The following ACVR2A variants were observed in gnomAD, a reference collection of about 807,000 sequenced individuals.
ACVR2A encodes the protein activin A receptor type 2A, also known as activin receptor type-2A.
Under a neutral mutation model 61.4 loss-of-function variants are expected in ACVR2A, and 7 were observed. The observed-to-expected ratio is 0.11, with a 90% CI of 0.06 to 0.21. The LOEUF is 0.21. Ranked by LOEUF, ACVR2A falls within the 10% of genes least tolerant of loss-of-function variation. The pLI is 1.00. For missense variants in ACVR2A, 322 were observed against 621.7 expected, an observed-to-expected ratio of 0.52 and a Z score of 5.13; for synonymous variants, 193 against 208.3, an observed-to-expected ratio of 0.93 and a Z score of 0.63.
In ACVR2A at chr2:147,929,364, TTTCTTTTTAAAAGTTAAACAAAAATAA is replaced by T. The variant is rs1687596640; in HGVS notation, c.*2091_*2117del. ...TTTCTACCTGTTGTGAACATTTAAC[TTTCTTTTTAAAAGTTAAACAAAAATAA>T]ACAAGGGATATTATGATGAATGTTT... is the stretch of plus-strand genomic sequence containing the variant. On this transcript the variant is annotated 3_prime_UTR_variant, in exon 11 of 11. Transcript: ENST00000241416. The T allele has an allele frequency of 7.2e-6, 1 of 138,006 alleles. No individual in the cohort carries two copies. Among genetic ancestry groups the T allele is most frequent in the East Asian group, 2.4e-4 (1 of 4,140 alleles). 8.5% of individuals were successfully genotyped at this position (138,006 alleles called of 1,614,324 possible).
chr2:147,865,437 G>A (rs960894590), intron 1 of ACVR2A, among the ~76,000 whole-genome samples: 7 of 151,988 alleles, frequency 4.6e-5, no homozygotes, highest in African/African-American at 1.7e-4. Context: ...TTTTCTATAA[G>A]TTTGACGCTA....
At chr2:147,853,293 G>A (rs748719739) in intron 1 of ACVR2A, among the ~76,000 whole-genome samples, 21 of 152,100 alleles carry the variant, frequency 1.4e-4, no homozygotes, top group Non-Finnish European at 2.8e-4. Flanking sequence ...TGATGGATAT[G>A]TCTTCATTGT....
At chr2:147,877,646 T>C (rs939237229) in intron 1 of ACVR2A, 1 of 152,172 alleles carries the variant, frequency 6.6e-6, no homozygotes, top group Admixed American at 6.5e-5. Flanking sequence ...TTTTACTCTT[T>C]GCTTAGTAAA....
At chr2:147,845,011 T>TTG (rs1685266148), upstream of ACVR2A, 12 of 189,640 alleles carry the variant, frequency 6.3e-5, no homozygotes, top group African/African-American at 2.6e-4. Context: ...TTTTTTTTTT[T>TTG]TTTTTTTTTT....
chr2:147,854,916 C>T (rs1454849451), intron 1 of ACVR2A, among the ~76,000 whole-genome samples: 1 of 151,962 alleles, frequency 6.6e-6, no homozygotes, highest in African/African-American at 2.4e-5. Context: ...GAGTCTCGCT[C>T]TGTTGGCCAG....
chr2:147,877,350 G>A (rs1686185237), intron 1 of ACVR2A: 2 of 152,114 alleles, frequency 1.3e-5, no homozygotes, highest in Admixed American at 1.3e-4. Context: ...ATGGGGGAAT[G>A]ACATTCAGGA....
intron 1 of ACVR2A, among the ~76,000 whole-genome samples, chr2:147,845,911 T>C (rs955985961): frequency 6.6e-5 from 10 of 152,246 alleles, no homozygotes; most frequent in South Asian, 2.1e-4. Context: ...GGAATACTTA[T>C]TTTAAACGCT....
At chr2:147,862,124 T>C (rs1685740682) in intron 1 of ACVR2A, among the ~76,000 whole-genome samples, 1 of 152,212 alleles carries the variant, frequency 6.6e-6, no homozygotes, top group Non-Finnish European at 1.5e-5. Flanking sequence ...CCCCTTCCAC[T>C]GTCTCCCATC....
intron 4 of ACVR2A, among the ~76,000 whole-genome samples, chr2:147,900,227 G>A (rs61232656): frequency 0.027 from 4,066 of 152,140 alleles, 127 homozygotes; most frequent in African/African-American, 0.058. Flanking sequence ...TCATAACCCT[G>A]TCTTTGCCCT....
intron 1 of ACVR2A, among the ~76,000 whole-genome samples, chr2:147,893,192 A>C (rs1226829931): frequency 6.6e-6 from 1 of 152,142 alleles, no homozygotes; most frequent in African/African-American, 2.4e-5. Flanking sequence ...GCTTTCACTT[A>C]GCATAATGTT....
chr2:147,900,929 C>T (rs999067333), intron 4 of ACVR2A, among the ~76,000 whole-genome samples: 16 of 151,966 alleles, frequency 1.1e-4, no homozygotes, highest in South Asian at 2.1e-4. Flanking sequence ...TATTTCTCAG[C>T]GCTTGCAGCA....
At chr2:147,867,142 G>T (rs1357036392) in intron 1 of ACVR2A, among the ~76,000 whole-genome samples, 6 of 152,176 alleles carry the variant, frequency 3.9e-5, no homozygotes, top group African/African-American at 1.4e-4. Flanking sequence ...GAGATTATTT[G>T]TAACTTTACC....
chr2:147,860,364 G>A (rs1189375790), intron 1 of ACVR2A, among the ~76,000 whole-genome samples: 1 of 152,030 alleles, frequency 6.6e-6, no homozygotes, highest in South Asian at 2.1e-4. Flanking sequence ...ACAAGTGGGT[G>A]TAGGTAAAAC....
rs1225194880 is a variant in ACVR2A at position 147,862,669 on chromosome 2, A to G, written c.55+17462A>G. On this transcript the variant is annotated intron_variant, in intron 1 of 10. Transcript: ENST00000241416. ...TGAGGCAGGAGAATTGCTTGAACCC[A>G]TGAGACGGATGTTGCAGTGAGCCGA... is the stretch of plus-strand genomic sequence containing the variant. Among the ~76,000 whole-genome samples, 4 of 151,824 alleles carry G rather than the reference A, an allele frequency of 2.6e-5. 1 individual carries two copies. Among genetic ancestry groups the G allele is most frequent in the Admixed American group, 6.6e-5 (1 of 15,254 alleles).
At chr2:147,867,364 A>C (rs1685888611) in intron 1 of ACVR2A, among the ~76,000 whole-genome samples, 1 of 152,160 alleles carries the variant, frequency 6.6e-6, no homozygotes. Context: ...GAAAGGGGAA[A>C]ATTAAAATTG....
In ACVR2A at chr2:147,927,011, A is replaced by C. The variant is rs1263658294; in HGVS notation, c.1348-69A>C. ...AGAAAAATAGCCATTTCTTCATGAA[A>C]ATTTTATTGTTTCCTAATAGAAAAC... On this transcript the variant is annotated intron_variant, in intron 10 of 10. Transcript: ENST00000241416. The C allele has an allele frequency of 7.5e-6, 11 of 1,469,114 alleles. No homozygotes were observed. In the Admixed American group the frequency reaches 2.3e-4, roughly 31 times the overall value. 91.0% of individuals were successfully genotyped at this position (1,469,114 alleles called of 1,614,324 possible).
At chr2:147,875,626 A>C (rs1686134724) in intron 1 of ACVR2A, among the ~76,000 whole-genome samples, 1 of 152,038 alleles carries the variant, frequency 6.6e-6, no homozygotes, top group South Asian at 2.1e-4. Flanking sequence ...TGTGAGAAAC[A>C]TTGCTCTGTT....
chr2:147,852,762 T>C (rs1265800010), intron 1 of ACVR2A, among the ~76,000 whole-genome samples: 1 of 151,922 alleles, frequency 6.6e-6, no homozygotes, highest in Non-Finnish European at 1.5e-5. Flanking sequence ...AGACGGAGAT[T>C]AGGAAGGATG....
intron 9 of ACVR2A, among the ~76,000 whole-genome samples, chr2:147,924,182 T>A (rs1687449512): frequency 6.6e-6 from 1 of 152,038 alleles, no homozygotes; most frequent in African/African-American, 2.4e-5. Context: ...ACATTTATGA[T>A]GTGCATTTAT....
Sources: gnomAD v4.1 joint callset for allele counts (sites outside exome capture counted in the v4.1 genomes callset) on GRCh38, gnomAD v4.1.1 for gene constraint, MANE v1.5 for transcripts, NCBI Gene and HGNC (gene_info 2026-07-23, HGNC 2026-07-21) for gene names.